Variants in HSPA9 observed in about 807,000 individuals in gnomAD.
The protein encoded by HSPA9 is heat shock protein family A (Hsp70) member 9.
A neutral mutation model predicts 81.5 loss-of-function variants in HSPA9; 28 were observed. The ratio of observed to expected loss-of-function variants is 0.34; its 90% CI spans 0.25 to 0.47. The LOEUF (loss-of-function observed/expected upper bound fraction) is 0.47, where lower values mean the gene tolerates loss of function less well. Ranked by LOEUF, HSPA9 falls within the 20% of genes least tolerant of loss-of-function variation. The pLI is 1.00. For missense variants in HSPA9, 678 were observed against 838.0 expected (o/e 0.81, Z 2.36); for synonymous variants, 293 against 290.4 (o/e 1.01, Z -0.09).
chr5:138,572,772 AT>A (rs1561862357), intron 3 of HSPA9, among the ~76,000 whole-genome samples: 1 of 151,932 alleles, frequency 6.6e-6, no homozygotes, highest in Non-Finnish European at 1.5e-5. Flanking sequence ...GCTTCTTGGC[AT>A]TTTTCCTATA....
chr5:138,559,514 G>A (rs566848410), intron 11 of HSPA9, among the ~76,000 whole-genome samples: 12 of 152,204 alleles, frequency 7.9e-5, no homozygotes, highest in Admixed American at 2.6e-4. Flanking sequence ...ACTCCCCTAA[G>A]TCTGGTCCAG....
rs1294312687 is a variant in HSPA9 at position 138,567,718 on chromosome 5, A to G, written c.540T>C (p.Asn180=). 5 of 1,611,312 alleles carry G rather than the reference A, an allele frequency of 3.1e-6. No homozygotes were observed. The highest frequency in any genetic ancestry group is 3.4e-6 in the Non-Finnish European group (4 of 1,177,760). ...VLMKMKETAE[N]YLGHTAKNAV... is the part of the protein sequence containing the mutation. ...CATTTTTTGCTGTGTGCCCCAAGTA[A>G]TTTTCTGGAAAAGAATGAAATTCAA... The change falls in exon 6 of 17, where the codon AAT becomes AAC. Residue 180 remains asparagine (N), a synonymous_variant. Transcript: ENST00000297185.
In HSPA9 at chr5:138,571,073, T is replaced by C; in HGVS notation, c.297A>G (p.Arg99=). The C allele has an allele frequency of 1.9e-6, 3 of 1,614,110 alleles. No homozygotes were observed. Among genetic ancestry groups the C allele is most frequent in the Non-Finnish European group, 1.7e-6 (2 of 1,180,020 alleles). The change falls in exon 4 of 17, where the codon CGA becomes CGG. Residue 99 remains arginine, a synonymous_variant. Transcript: ENST00000297185. Reference sequence around the variant, plus strand: ...GTCGCTTGGCCGGCATTCCAACAAGTCGCTCACCATCTGCTGTAAAGGCCA... The same window carrying C: ...GTCGCTTGGCCGGCATTCCAACAAGCCGCTCACCATCTGCTGTAAAGGCCA... The part of the protein sequence containing the change: ...SVVAFTADGE[R]LVGMPAKRQA...
At chr5:138,567,266 T>C in intron 7 of HSPA9, 103 bp from the exon 8 acceptor site, 2 of 1,078,074 alleles carry the variant, frequency 1.9e-6, no homozygotes, top group Non-Finnish European at 2.8e-6. Flanking sequence ...TCTAAGCTAT[T>C]TCCCTGAGAT....
rs182647947 is a variant in HSPA9, at chr5:138,562,475, C to T, written c.973-686G>A. ...CTGAGGCAGGAGAATCGCTTGAACC[C>T]GGGAGGTGGAGGTTGCGGTGAGCCG... is the stretch of plus-strand genomic sequence containing the variant. On this transcript the variant is annotated intron_variant, in intron 9 of 16. Transcript: ENST00000297185. Among the ~76,000 whole-genome samples, 856 of 151,700 alleles carry T rather than the reference C, an allele frequency of 5.6e-3. 18 individuals carry two copies. Among genetic ancestry groups the T allele is most frequent in the African/African-American group, 0.02 (825 of 41,390 alleles).
chr5:138,568,090 C>T (rs1021667906), intron 5 of HSPA9, among the ~76,000 whole-genome samples: 12 of 152,052 alleles, frequency 7.9e-5, no homozygotes, highest in Non-Finnish European at 1.0e-4. Context: ...GAGGCTGAGG[C>T]GGGAGAATTG....
In HSPA9 at chr5:138,554,370, G is replaced by A. The variant is rs1750476677; in HGVS notation, c.*1667C>T. ...AGGAGACAGTAGAGGCAGTGGGCAA[G>A]GGCCAACCAAAAATGCTAAAAGTTA... On this transcript the variant is annotated 3_prime_UTR_variant, in exon 17 of 17. Coordinates refer to ENST00000297185, the MANE Select transcript of HSPA9 (RefSeq NM_004134.7). 6.6e-6 allele frequency among the ~76,000 whole-genome samples: 1 copy of A among 152,166 alleles called. No homozygotes were observed. The highest frequency in any genetic ancestry group is 1.5e-5 in the Non-Finnish European group (1 of 68,030).
chr5:138,561,521 C>T (rs1029976560), intron 10 of HSPA9, 59 bp downstream of exon 10: 4 of 1,424,972 alleles, frequency 2.8e-6, no homozygotes, highest in South Asian at 1.2e-5. Flanking sequence ...GCCACCTGTC[C>T]CAAGAATACA....
rs1750509334 is a variant in HSPA9 at position 138,555,968 on chromosome 5, C to T, written c.*69G>A. 9 of 1,104,932 alleles carry T rather than the reference C, an allele frequency of 8.1e-6. No individual in the cohort carries two copies. The highest frequency in any genetic ancestry group is 1.3e-5 in the Non-Finnish European group (9 of 719,246). 68.4% of individuals were successfully genotyped at this position (1,104,932 alleles called of 1,614,324 possible). A position where few individuals can be genotyped will look rare whatever the true frequency, so the allele number is the denominator to read the frequency against. ...TAAAAAGACTGAAGTTCGCCCATTTCTGCTCAGGAAGTCTCTTCACTCCTA... is the reference window on the plus strand; with the variant it reads ...TAAAAAGACTGAAGTTCGCCCATTTTTGCTCAGGAAGTCTCTTCACTCCTA... On this transcript the variant is annotated 3_prime_UTR_variant, in exon 17 of 17. Coordinates refer to ENST00000297185, the MANE Select transcript of HSPA9 (RefSeq NM_004134.7).
chr5:138,561,583 G>A lies in HSPA9; in HGVS notation c.1179C>T (p.Pro393=). Residue 393 remains proline (P), a synonymous_variant, in exon 10 of 17, where the codon CCC becomes CCT. Transcript: ENST00000297185. ...ACAGAATTCCACTGGTCCATACCTT[G>A]GGCATCCTAGTCATGCCACCCACAA... The part of the protein sequence containing the change: ...VILVGGMTRM[P]KVQQTVQDLF... 6.8e-6 allele frequency: 11 copies of A among 1,610,742 alleles called. No individual in the cohort carries two copies. Among genetic ancestry groups the A allele is most frequent in the Non-Finnish European group, 8.5e-6 (10 of 1,178,068 alleles).
At position 138,570,992 on chromosome 5, in the gene HSPA9, C is replaced by A. The variant is rs762965333; in HGVS notation, c.378G>T (p.Arg126=). The change falls in exon 4 of 17, where the codon CGG becomes CGT. Residue 126 remains arginine, a synonymous_variant. Coordinates refer to ENST00000297185, the MANE Select transcript of HSPA9 (RefSeq NM_004134.7). ...TCTGTACTTCAGGATCATCATATCG[C>A]CGGCCAATGAGACGCTTGGTAGCAT... ...TFYATKRLIG[R]RYDDPEVQKD... is the part of the protein sequence containing the mutation. 6.2e-7 allele frequency: 1 copy of A among 1,614,166 alleles called. No homozygotes were observed. The highest frequency in any genetic ancestry group is 1.7e-5 in the Admixed American group (1 of 60,012).
rs1750880253 is a variant in HSPA9 at position 138,571,314 on chromosome 5, G to A, written c.229-173C>T. On this transcript the variant is annotated intron_variant, in intron 3 of 16. Coordinates refer to ENST00000297185, the MANE Select transcript of HSPA9 (RefSeq NM_004134.7). ...TTCTGTCTCAGCCTCCCTAGTAGCT[G>A]GTACTATAGGCGTGCACCACCACAC... Among the ~76,000 whole-genome samples, 3 of 152,064 alleles carry A rather than the reference G, an allele frequency of 2.0e-5. No individual in the cohort carries two copies. The South Asian group carries it at 6.2e-4, about 32-fold the overall frequency.
At chr5:138,558,412 T>C in intron 12 of HSPA9, 141 bp downstream of exon 12, 6 of 708,292 alleles carry the variant, frequency 8.5e-6, no homozygotes, top group Non-Finnish European at 1.6e-5. Context: ...ATGCCATGGG[T>C]ATCTAGTTGC....
At chr5:138,571,688 C>T (rs1750896161) in intron 3 of HSPA9, among the ~76,000 whole-genome samples, 1 of 151,062 alleles carries the variant, frequency 6.6e-6, no homozygotes, top group Admixed American at 6.6e-5. Context: ...CTCTTGTCAC[C>T]CAGACTGGAG....
At position 138,567,154 on chromosome 5, in the gene HSPA9, T is replaced by C. The variant is rs1052347949; in HGVS notation, c.726A>G (p.Val242=). ...CAAAAGTTCCACCACCTAAATCATA[T>C]ACAGCAATGCTGTAAATGATTTGTG... ...LDKSEDKVIA[V]YDLGGGTFDI... is the part of the protein sequence containing the mutation. Residue 242 remains valine, a synonymous_variant, in exon 8 of 17, where the codon GTA becomes GTG. Transcript: ENST00000297185. 4.3e-6 allele frequency: 7 copies of C among 1,609,366 alleles called. No homozygotes were observed. In the Admixed American group the frequency reaches 8.4e-5, roughly 19 times the overall value.
chr5:138,555,320 C>T lies in HSPA9; in HGVS notation c.*717G>A, dbSNP rs1168125539. On this transcript the variant is annotated 3_prime_UTR_variant, in exon 17 of 17. Coordinates refer to ENST00000297185, the MANE Select transcript of HSPA9 (RefSeq NM_004134.7). ...GAAGCTAAATCTCAGGGCATCACCC[C>T]TCACAAACAAGAGATCAAGATGCTT... The T allele has an allele frequency of 1.3e-5, 2 of 151,868 alleles. No individual in the cohort carries two copies. Among genetic ancestry groups the T allele is most frequent in the Non-Finnish European group, 2.9e-5 (2 of 68,000 alleles). 9.4% of individuals were successfully genotyped at this position (151,868 alleles called of 1,614,324 possible). A position where few individuals can be genotyped will look rare whatever the true frequency, so the allele number is the denominator to read the frequency against.
Position 138,558,579 on chromosome 5 carries a change from T to C in HSPA9, c.1489A>G (p.Asn497Asp). The C allele has an allele frequency of 6.2e-7, 1 of 1,612,386 alleles. No individual in the cohort carries two copies. Residue 497 changes from asparagine to aspartate, a missense_variant, in exon 12 of 17, where the codon AAC becomes GAC. Coordinates refer to ENST00000297185, the MANE Select transcript of HSPA9 (RefSeq NM_004134.7). ...CQGEREMAGD[N>D]KLLGQFTLIG... ...AAAGTAAACTGTCCAAGGAGTTTGT[T>C]GTCTCCAGCCATCTCTCTTTCACCC...
chr5:138,555,805 T>C lies in HSPA9; in HGVS notation c.*232A>G, dbSNP rs1750507129. The stretch of plus-strand genomic sequence containing the variant: ...CATCCTACCTCCTTTTACATGCAGC[T>C]GAAAAATGACAGGCTAGGGACATAG... On this transcript the variant is annotated 3_prime_UTR_variant, in exon 17 of 17. Transcript: ENST00000297185. 2 of 567,282 alleles carry C rather than the reference T, an allele frequency of 3.5e-6. No individual in the cohort carries two copies. The allele number at this position is 567,282 out of a possible 1,614,324, so 35.1% of individuals were successfully genotyped here. A position where few individuals can be genotyped will look rare whatever the true frequency, so the allele number is the denominator to read the frequency against.
In HSPA9 at chr5:138,559,970, A is replaced by G; in HGVS notation, c.1304T>C (p.Val435Ala). ...CAGGGGAGTGACATCAAGGAGCAGC[A>G]CATCCGTGACATCGCCGGCCAACAC... ...GGVLAGDVTDVLLLDVTPLSL... is the reference protein window; with the variant it reads ...GGVLAGDVTDALLLDVTPLSL... The change falls in exon 11 of 17, where the codon GTG (valine) becomes GCG (alanine). Residue 435 changes from valine to alanine, a missense_variant. Transcript: ENST00000297185. The G allele has an allele frequency of 6.2e-7, 1 of 1,614,130 alleles. No individual in the cohort carries two copies. Among genetic ancestry groups the G allele is most frequent in the Non-Finnish European group, 8.5e-7 (1 of 1,179,992 alleles).
Sources: allele counts gnomAD v4.1 joint callset (sites outside exome capture counted in the v4.1 genomes callset), GRCh38; gene constraint gnomAD v4.1.1; transcripts MANE v1.5; gene names NCBI Gene and HGNC (gene_info 2026-07-23, HGNC 2026-07-21).